KDR: variants seen among roughly 807,000 people sequenced by gnomAD.
KDR encodes vascular endothelial growth factor receptor 2.
Under a neutral mutation model 160.9 loss-of-function variants are expected in KDR, and 43 were observed. The observed-to-expected ratio is 0.27, with a 90% confidence interval of 0.21 to 0.34. The LOEUF (loss-of-function observed/expected upper bound fraction) is 0.34. KDR is among the 10% of genes least tolerant of loss of function. The pLI, the probability that KDR is intolerant of heterozygous loss-of-function variation, is 1.00. For synonymous variants in KDR, 617 were observed against 600.1 expected (o/e 1.03, Z -0.41); for missense variants, 1,469 against 1,666.4 (o/e 0.88, Z 2.06).
intron 1 of KDR, 75 bp from the exon 2 acceptor site, chr4:55,121,265 G>A: frequency 1.0e-6 from 1 of 989,510 alleles, no homozygotes; most frequent in Non-Finnish European, 1.6e-6. Context: ...CATAAACAAT[G>A]CATACTCTAT....
intron 6 of KDR, 138 bp from the exon 7 acceptor site, chr4:55,113,619 C>T: frequency 1.4e-6 from 1 of 712,578 alleles, no homozygotes; most frequent in Non-Finnish European, 2.4e-6. Context: ...AACTTTTAAC[C>T]TCATGCAGAC....
chr4:55,089,515 C>G, intron 24 of KDR, 42 bp from the exon 25 acceptor site: 3 of 1,518,490 alleles, frequency 2.0e-6, no homozygotes, highest in South Asian at 1.1e-5. Flanking sequence ...ATTTGATTTT[C>G]TCTTATAGAA....
intron 18 of KDR, 103 bp downstream of exon 18, chr4:55,097,559 C>G: frequency 1.3e-6 from 1 of 769,030 alleles, no homozygotes; most frequent in African/African-American, 1.7e-5. Context: ...GCATGTGTGG[C>G]TAGTAGGCCC....
chr4:55,096,457 T>C (rs1208910400), intron 18 of KDR, 115 bp from the exon 19 acceptor site: 3 of 718,482 alleles, frequency 4.2e-6, no homozygotes, highest in South Asian at 2.9e-5. Context: ...AACACAGCTG[T>C]GACCTAGTTT....
At chr4:55,096,477 A>T in intron 18 of KDR, 135 bp from the exon 19 acceptor site, 2 of 656,346 alleles carry the variant, frequency 3.0e-6, no homozygotes, top group East Asian at 2.7e-5. Context: ...TACAGACCAC[A>T]TGCATTTCCT....
chr4:55,080,117 A>G lies in KDR; in HGVS notation c.3895T>C (p.Ser1299Pro). ...KSRESVASEGSNQTSGYQSGY... is the reference protein window; with the variant it reads ...KSRESVASEGPNQTSGYQSGY... ...GACTGGTAGCCGCTTGTCTGGTTTG[A>G]GCCTTCAGATGCCACAGACTCCCTG... Residue 1299 changes from serine (S) to proline (P), a missense_variant, in exon 30 of 30, where the codon TCA (serine) becomes CCA (proline). Ser to Pro is a moderately conservative substitution (Grantham distance 74, BLOSUM62 -1). This residue lies in a region of KDR where 229 missense variants were observed against 197.8 expected (regional missense o/e 1.16). Transcript: ENST00000263923. 6.2e-7 allele frequency: 1 copy of G among 1,613,914 alleles called. No individual in the cohort carries two copies.
At chr4:55,090,681 T>C (rs547124748) in intron 22 of KDR, among the ~76,000 whole-genome samples, 1 of 152,226 alleles carries the variant, frequency 6.6e-6, no homozygotes, top group East Asian at 1.9e-4. Flanking sequence ...ACAATGAGAT[T>C]CATCTTGACT....
At chr4:55,108,759 T>G (rs1199030690) in intron 9 of KDR, among the ~76,000 whole-genome samples, 1 of 151,520 alleles carries the variant, frequency 6.6e-6, no homozygotes, top group Non-Finnish European at 1.5e-5. Flanking sequence ...CTTCTCTCAC[T>G]TCCTTCTTTC....
intron 22 of KDR, among the ~76,000 whole-genome samples, chr4:55,090,849 C>CTTTTTTTTTTTTTTTTTTTTTTTTTTTTT: frequency 1.2e-5 from 1 of 84,050 alleles, no homozygotes; most frequent in Non-Finnish European, 2.2e-5. Flanking sequence ...TAGAAGAAAA[C>CTTTTTTTTTTTTTTTTTTTTTTTTTTTTT]TTTTTTTTTT....
chr4:55,101,912 A>T lies in KDR; in HGVS notation c.2251T>A (p.Phe751Ile), dbSNP rs2110020475. ...TCCCACTGACCTTCTATTATGAAAA[A>T]TGCCTCCACTTTTGCACAGCCAAGA... is the stretch of plus-strand genomic sequence containing the variant. ...SVLGCAKVEA[F>I]FIIEGAQEKT... The change falls in exon 15 of 30, where the codon TTT becomes ATT. Residue 751 changes from phenylalanine to isoleucine, a missense_variant. Transcript: ENST00000263923. 6.2e-7 allele frequency: 1 copy of T among 1,613,414 alleles called. No individual in the cohort carries two copies. Among genetic ancestry groups the T allele is most frequent in the Non-Finnish European group, 8.5e-7 (1 of 1,179,656 alleles).
chr4:55,110,757 C>T lies in KDR; in HGVS notation c.988G>A (p.Val330Ile), dbSNP rs761317000. ...GATTCCATGCCACTTCCAAAAGCAA[C>T]AAAAGGTTTTTCTGGAAGAAAATAA... ...TFVRVHEKPF[V>I]AFGSGMESLV... The change falls in exon 8 of 30, where the codon GTT becomes ATT. Residue 330 changes from valine to isoleucine, a missense_variant. By Grantham distance (29) the Val-to-Ile change is conservative (BLOSUM62 3). Transcript: ENST00000263923. 2 of 1,573,972 alleles carry T rather than the reference C, an allele frequency of 1.3e-6. No homozygotes were observed. The highest frequency in any genetic ancestry group is 1.5e-5 in the African/African-American group (1 of 68,396).
chr4:55,090,844 G>GA (rs373897129), intron 22 of KDR, among the ~76,000 whole-genome samples: 3,295 of 122,980 alleles, frequency 0.027, 69 homozygotes, highest in Non-Finnish European at 0.044. Context: ...TGGCTTAGAA[G>GA]AAAACTTTTT....
rs1161247451 is a variant in KDR, at chr4:55,115,379, C to T, written c.391G>A (p.Asp131Asn). 1.3e-6 allele frequency: 2 copies of T among 1,542,518 alleles called. No homozygotes were observed. Among genetic ancestry groups the T allele is most frequent in the Non-Finnish European group, 1.8e-6 (2 of 1,114,982 alleles). Residue 131 changes from aspartate to asparagine, a missense_variant, in exon 4 of 30, where the codon GAC becomes AAC. This residue lies in a region of KDR where 792 missense variants were observed against 840.9 expected (regional missense o/e 0.94). Transcript: ENST00000263923. ...GTAATGTACACGACTCCATGTTGGTCACTAACAGAAGCAATAAATGGAGAT... is the reference window on the plus strand; with the variant it reads ...GTAATGTACACGACTCCATGTTGGTTACTAACAGAAGCAATAAATGGAGAT... ...YRSPFIASVS[D>N]QHGVVYITEN...
At chr4:55,104,393 T>C (rs1720384449) in intron 13 of KDR, among the ~76,000 whole-genome samples, 1 of 152,222 alleles carries the variant, frequency 6.6e-6, no homozygotes, top group South Asian at 2.1e-4. Context: ...GAAGTTTCCC[T>C]GGTTCAAGCT....
rs756385325 is a variant in KDR, at chr4:55,087,590, T to C, written c.3662+17A>G. On this transcript the variant is annotated intron_variant, in intron 27 of 29. Coordinates refer to ENST00000263923, the MANE Select transcript of KDR (RefSeq NM_002253.4). ...GAAGTCACCCTCCCCCGGGGGATGT[T>C]AGGCCATATACAGTACCTGATTCCT... is the stretch of plus-strand genomic sequence containing the variant. The C allele has an allele frequency of 6.2e-7, 1 of 1,613,244 alleles. No individual in the cohort carries two copies. Among genetic ancestry groups the C allele is most frequent in the Non-Finnish European group, 8.5e-7 (1 of 1,179,454 alleles).
In KDR at chr4:55,125,366, G is replaced by T; in HGVS notation, c.-73C>A. The T allele has an allele frequency of 6.6e-7, 1 of 1,514,116 alleles. No homozygotes were observed. Among genetic ancestry groups the T allele is most frequent in the Admixed American group, 1.9e-5 (1 of 51,548 alleles). 93.8% of individuals were successfully genotyped at this position (1,514,116 alleles called of 1,614,324 possible). A position where few individuals can be genotyped will look rare whatever the true frequency, so the allele number is the denominator to read the frequency against. On this transcript the variant is annotated 5_prime_UTR_variant, in exon 1 of 30. Coordinates refer to ENST00000263923, the MANE Select transcript of KDR (RefSeq NM_002253.4). ...TTTCTCCCAGCGCCTGTCTAGAGAA[G>T]GAGGCGCGGAGGTGGAACTCGCGGC... is the stretch of plus-strand genomic sequence containing the variant.
intron 27 of KDR, among the ~76,000 whole-genome samples, chr4:55,085,241 T>C (rs1243484759): frequency 1.3e-5 from 2 of 152,154 alleles, no homozygotes; most frequent in African/African-American, 4.8e-5. Context: ...CAGGGGAAAT[T>C]AGAGGCAAAG....
In KDR at chr4:55,105,856, T is replaced by A. The variant is rs1720433930; in HGVS notation, c.1621A>T (p.Arg541Trp). The A allele has an allele frequency of 6.2e-7, 1 of 1,609,526 alleles. No homozygotes were observed. Among genetic ancestry groups the A allele is most frequent in the Admixed American group, 1.7e-5 (1 of 60,012 alleles). ...CTGGTCACGTGGAAGGAGATCACCC[T>A]CTCTCCTCTCCCGACTTTGTTGACC... ...EAVNKVGRGE[R>W]VISFHVTRGP... Residue 541 changes from arginine (R) to tryptophan (W), a missense_variant, in exon 12 of 30, where the codon AGG becomes TGG. Arg to Trp is a moderately radical substitution (Grantham distance 101). Transcript: ENST00000263923.
At chr4:55,107,408 A>T (rs1287703695) in intron 10 of KDR, among the ~76,000 whole-genome samples, 2 of 152,116 alleles carry the variant, frequency 1.3e-5, no homozygotes, top group Non-Finnish European at 2.9e-5. Flanking sequence ...CACAAGAAGG[A>T]GGGATGTGGT....
Sources: gnomAD v4.1 joint callset for allele counts (sites outside exome capture counted in the v4.1 genomes callset) on GRCh38, gnomAD v4.1.1 for gene constraint, gnomAD v4.1.1 regional missense constraint, MANE v1.5 for transcripts, NCBI Gene and HGNC (gene_info 2026-07-23, HGNC 2026-07-21) for gene names.